The following MDM4 variants were observed in gnomAD, a reference collection of about 807,000 sequenced individuals.
MDM4 encodes protein Mdm4.
MDM4 carries 2 observed loss-of-function variants against 60.2 expected under a neutral mutation model. The observed-to-expected ratio is 0.03, with a 90% CI of 0.01 to 0.10. The LOEUF (loss-of-function observed/expected upper bound fraction) is 0.10, where lower values mean the gene tolerates loss of function less well. Among genes scored for constraint, MDM4 ranks in the 10% least tolerant of loss-of-function variants. MDM4 has a pLI of 1.00. For missense variants in MDM4, 447 were observed against 577.5 expected (o/e 0.77, Z 2.32); for synonymous variants, 202 against 198.1 (o/e 1.02, Z -0.17).
rs375375927 is a variant in MDM4, at chr1:204,552,007, C to G, written c.*2325C>G. On this transcript the variant is annotated 3_prime_UTR_variant, in exon 11 of 11. Coordinates refer to ENST00000367182, the MANE Select transcript of MDM4 (RefSeq NM_002393.5). ...AAAAAAAAAAAAAAAAAATCGTGGA[C>G]CGGGCGTAGTGGCTCACGCCTGTAA... 1.7e-3 allele frequency: 302 copies of G among 174,240 alleles called. 1 individual carries two copies. Among genetic ancestry groups the G allele is most frequent in the African/African-American group, 6.8e-3 (282 of 41,754 alleles). The allele number at this position is 174,240 out of a possible 1,614,324, so 10.8% of individuals were successfully genotyped here.
At position 204,530,678 on chromosome 1, in the gene MDM4, A is replaced by G; in HGVS notation, c.154-6A>G. 1 of 1,614,160 alleles carries G rather than the reference A, an allele frequency of 6.2e-7. No homozygotes were observed. Among genetic ancestry groups the G allele is most frequent in the Non-Finnish European group, 8.5e-7 (1 of 1,180,014 alleles). On this transcript the variant is annotated splice_region_variant and splice_polypyrimidine_tract_variant and intron_variant, in intron 3 of 10. Transcript: ENST00000367182. ...AGATCACAACATGGTATTTTATTCC[A>G]TGCAGGTCATGCACTATTTAGGTCA...
intron 10 of MDM4, among the ~76,000 whole-genome samples, chr1:204,547,722 T>A (rs1662803261): frequency 6.6e-6 from 1 of 152,182 alleles, no homozygotes; most frequent in African/African-American, 2.4e-5. Context: ...CAGAGATAAA[T>A]GTTTCCATCT....
intron 8 of MDM4, among the ~76,000 whole-genome samples, chr1:204,544,184 G>A (rs1392710006): frequency 6.6e-6 from 1 of 152,182 alleles, no homozygotes; most frequent in East Asian, 1.9e-4. Context: ...ATGTTTTGTA[G>A]CTTCTTAGAG....
At chr1:204,519,035 T>C (rs1035431416) in intron 1 of MDM4, among the ~76,000 whole-genome samples, 1 of 152,162 alleles carries the variant, frequency 6.6e-6, no homozygotes, top group Non-Finnish European at 1.5e-5. Context: ...ATCAGTTTTG[T>C]ACAAAACTCA....
intron 7 of MDM4, among the ~76,000 whole-genome samples, chr1:204,540,004 G>A (rs950493857): frequency 2.0e-5 from 3 of 152,116 alleles, no homozygotes; most frequent in South Asian, 4.1e-4. Context: ...CCCATTAGCC[G>A]GGCGCGGTGG....
chr1:204,526,753 G>A (rs933609103), intron 3 of MDM4, among the ~76,000 whole-genome samples: 33 of 152,060 alleles, frequency 2.2e-4, no homozygotes, highest in Admixed American at 1.0e-3. Flanking sequence ...ATGAGCCACC[G>A]CGCCTGGCCA....
In MDM4 at chr1:204,544,606, G is replaced by A. The variant is rs1413484690; in HGVS notation, c.744G>A (p.Gln248=). 7 of 1,613,854 alleles carry A rather than the reference G, an allele frequency of 4.3e-6. No individual in the cohort carries two copies. The highest frequency in any genetic ancestry group is 5.9e-6 in the Non-Finnish European group (7 of 1,179,832). ...LWFLNESVSE[Q]LGVGIKVEAA... The stretch of plus-strand genomic sequence containing the variant: ...TTTTGAATGAGTCAGTATCAGAGCA[G>A]TTAGGTGTTGGAATAAAAGTTGAAG... The change falls in exon 9 of 11, where the codon CAG becomes CAA. Residue 248 remains glutamine (Q), a synonymous_variant. Coordinates refer to ENST00000367182, the MANE Select transcript of MDM4 (RefSeq NM_002393.5).
chr1:204,526,616 G>T (rs1660193601), intron 3 of MDM4, among the ~76,000 whole-genome samples, 182 bp downstream of exon 3: 1 of 151,860 alleles, frequency 6.6e-6, no homozygotes, highest in Non-Finnish European at 1.5e-5. Context: ...GGTGCCTGCT[G>T]CCACGCCCGG....
chr1:204,543,490 C>T (rs968328144), intron 8 of MDM4, among the ~76,000 whole-genome samples: 2 of 152,204 alleles, frequency 1.3e-5, no homozygotes, highest in Admixed American at 1.3e-4. Context: ...CACTGTAGCC[C>T]AAAATTGCTG....
intron 1 of MDM4, among the ~76,000 whole-genome samples, chr1:204,519,579 C>T (rs967816669): frequency 3.9e-5 from 6 of 152,150 alleles, no homozygotes; most frequent in East Asian, 1.9e-4. Context: ...CATGGTGGCT[C>T]ATGCCTGTAA....
Position 204,522,938 on chromosome 1 carries a change from C to T in MDM4, c.-35-2546C>T, listed in dbSNP as rs1377849245. 2.0e-5 allele frequency among the ~76,000 whole-genome samples: 3 copies of T among 150,538 alleles called. No homozygotes were observed. In the East Asian group the frequency reaches 6.0e-4, roughly 30 times the overall value. ...AGTGCAATGGTGCGATCTCAGCTCA[C>T]TGCAACCTCCGCCTCCCAGGTTCAA... On this transcript the variant is annotated intron_variant, in intron 1 of 10. Coordinates refer to ENST00000367182, the MANE Select transcript of MDM4 (RefSeq NM_002393.5).
At chr1:204,518,141 G>T (rs1176592386) in intron 1 of MDM4, among the ~76,000 whole-genome samples, 1 of 152,160 alleles carries the variant, frequency 6.6e-6, no homozygotes, top group Non-Finnish European at 1.5e-5. Context: ...AGGCGACAGC[G>T]CGAGAGCCTG....
chr1:204,538,782 T>C (rs1046537953), intron 7 of MDM4, among the ~76,000 whole-genome samples: 1 of 151,482 alleles, frequency 6.6e-6, no homozygotes, highest in Non-Finnish European at 1.5e-5. Context: ...CTCAGCTCAC[T>C]GCGACCTCCA....
intron 5 of MDM4, among the ~76,000 whole-genome samples, chr1:204,533,065 C>A (rs1425957552): frequency 6.6e-6 from 1 of 152,178 alleles, no homozygotes; most frequent in Admixed American, 6.5e-5. Context: ...ACTCAAGAAC[C>A]TTTTACCTAA....
At chr1:204,538,375 C>G in intron 7 of MDM4, 67 bp downstream of exon 7, 1 of 857,300 alleles carries the variant, frequency 1.2e-6, no homozygotes, top group East Asian at 2.4e-5. Context: ...TATTTTTAAT[C>G]TCTCCGTATG....
chr1:204,538,034 A>G (rs760688244), intron 6 of MDM4, 175 bp from the exon 7 acceptor site: 1 of 770,868 alleles, frequency 1.3e-6, no homozygotes, highest in Non-Finnish European at 2.4e-6. Context: ...AGCTTTGCTC[A>G]CAGTGGGTTG....
At chr1:204,537,644 T>C (rs1167947938) in intron 6 of MDM4, 147 bp downstream of exon 6, 4 of 647,184 alleles carry the variant, frequency 6.2e-6, no homozygotes, top group African/African-American at 1.8e-5. Flanking sequence ...AGGGACAGAG[T>C]GAACCTTCTC....
At chr1:204,540,976 T>C (rs1414814042) in intron 7 of MDM4, among the ~76,000 whole-genome samples, 3 of 152,164 alleles carry the variant, frequency 2.0e-5, no homozygotes, top group Non-Finnish European at 2.9e-5. Context: ...TTTGAATAAG[T>C]TTATCATGCT....
intron 8 of MDM4, among the ~76,000 whole-genome samples, chr1:204,544,228 TC>T (rs1329103754): frequency 1.3e-5 from 2 of 152,228 alleles, no homozygotes; most frequent in Non-Finnish European, 2.9e-5. Flanking sequence ...GGGAATAGAT[TC>T]TATTTACTTG....
Sources: gnomAD v4.1 joint callset for allele counts (sites outside exome capture counted in the v4.1 genomes callset) on GRCh38, gnomAD v4.1.1 for gene constraint, MANE v1.5 for transcripts, NCBI Gene and HGNC (gene_info 2026-07-23, HGNC 2026-07-21) for gene names.